The following LRP12 variants were observed in gnomAD, a reference collection of about 807,000 sequenced individuals.
The protein encoded by LRP12 is low-density lipoprotein receptor-related protein 12.
In LRP12, 14 loss-of-function variants were observed where a neutral mutation model predicts 66.0. The observed-to-expected ratio is 0.21, with a 90% CI of 0.14 to 0.33. The LOEUF is 0.33. LRP12 is among the 10% of genes least tolerant of loss of function. The pLI, the probability that LRP12 is intolerant of heterozygous loss-of-function variation, is 1.00. For synonymous variants in LRP12, 357 were observed against 359.1 expected (o/e 0.99, Z 0.07); for missense variants, 889 against 1,053.4 (o/e 0.84, Z 2.16).
chr8:104,548,474 CTATAT>C (rs957096241), intron 1 of LRP12, among the ~76,000 whole-genome samples: 7 of 111,850 alleles, frequency 6.3e-5, no homozygotes, highest in Non-Finnish European at 1.0e-4. Context: ...ATATATAATT[CTATAT>C]TATATTTTGT....
At chr8:104,530,737 T>G (rs923666820) in intron 2 of LRP12, among the ~76,000 whole-genome samples, 2 of 152,210 alleles carry the variant, frequency 1.3e-5, no homozygotes, top group African/African-American at 4.8e-5. Flanking sequence ...ATTAAAATGT[T>G]TGTAAACAAA....
chr8:104,558,257 T>C (rs913898737), intron 1 of LRP12, among the ~76,000 whole-genome samples: 2 of 151,702 alleles, frequency 1.3e-5, no homozygotes, highest in African/African-American at 2.4e-5. Context: ...AAAAGGCACG[T>C]AGACCAATGG....
chr8:104,583,386 T>C (rs1471698741), intron 1 of LRP12, among the ~76,000 whole-genome samples: 2 of 152,154 alleles, frequency 1.3e-5, no homozygotes, highest in African/African-American at 2.4e-5. Flanking sequence ...GGGCCTTTCA[T>C]GCATTGTTCT....
At chr8:104,536,639 A>C (rs1184323162) in intron 1 of LRP12, among the ~76,000 whole-genome samples, 5 of 152,114 alleles carry the variant, frequency 3.3e-5, no homozygotes, top group African/African-American at 1.2e-4. Flanking sequence ...ATAATTAGCA[A>C]GCTTCTTATT....
intron 5 of LRP12, 74 bp from the exon 6 acceptor site, chr8:104,495,283 A>ACTG: frequency 1.4e-6 from 2 of 1,415,134 alleles, no homozygotes; most frequent in East Asian, 4.6e-5. Flanking sequence ...ATTATCAGTA[A>ACTG]TTAAAACAAT....
intron 3 of LRP12, among the ~76,000 whole-genome samples, chr8:104,500,707 A>AAAACAAAACC (rs544665351): frequency 6.6e-6 from 1 of 151,174 alleles, no homozygotes; most frequent in African/African-American, 2.5e-5. Flanking sequence ...CGTCTCAAAC[A>AAAACAAAACC]AAACAAAACC....
chr8:104,553,407 C>T (rs1009067118), intron 1 of LRP12, among the ~76,000 whole-genome samples: 15 of 152,118 alleles, frequency 9.9e-5, no homozygotes, highest in African/African-American at 3.1e-4. Flanking sequence ...TGGAGAAGCA[C>T]GGTGGGAGTG....
intron 1 of LRP12, among the ~76,000 whole-genome samples, chr8:104,533,768 A>T (rs1811359257): frequency 6.6e-6 from 1 of 152,058 alleles, no homozygotes; most frequent in Non-Finnish European, 1.5e-5. Context: ...CTCCTACCTT[A>T]GCTTCCTGAG....
At chr8:104,548,235 TTAATATACG>T (rs1564141939) in intron 1 of LRP12, among the ~76,000 whole-genome samples, 90 of 102,262 alleles carry the variant, frequency 8.8e-4, no homozygotes, top group African/African-American at 3.9e-3. Context: ...TATATTTATA[TTAATATACG>T]ATATATATTA....
At chr8:104,504,200 ATT>A (rs1810871636) in intron 3 of LRP12, 1 of 152,092 alleles carries the variant, frequency 6.6e-6, no homozygotes, top group Non-Finnish European at 1.5e-5. Flanking sequence ...GACATTAAAA[ATT>A]TTGTTTATAA....
At chr8:104,575,285 C>T (rs1812148133) in intron 1 of LRP12, among the ~76,000 whole-genome samples, 1 of 152,216 alleles carries the variant, frequency 6.6e-6, no homozygotes, top group Non-Finnish European at 1.5e-5. Flanking sequence ...CCTCCAGTTA[C>T]CAGCAGCAGG....
intron 1 of LRP12, among the ~76,000 whole-genome samples, chr8:104,571,158 T>G (rs1812075137): frequency 6.6e-6 from 1 of 152,126 alleles, no homozygotes; most frequent in South Asian, 2.1e-4. Context: ...GGTTTGGTAG[T>G]TTCTGAAAAA....
intron 2 of LRP12, among the ~76,000 whole-genome samples, chr8:104,515,815 G>T (rs995227528): frequency 6.6e-6 from 1 of 152,182 alleles, no homozygotes; most frequent in Non-Finnish European, 1.5e-5. Context: ...GTATGTAGTT[G>T]TAAGTGATCT....
intron 1 of LRP12, among the ~76,000 whole-genome samples, chr8:104,562,716 G>A (rs888197022): frequency 2.6e-5 from 4 of 151,992 alleles, no homozygotes; most frequent in Non-Finnish European, 4.4e-5. Flanking sequence ...TCTATAAATT[G>A]TCTTTTGTCC....
intron 1 of LRP12, among the ~76,000 whole-genome samples, chr8:104,548,060 T>C (rs1433003623): frequency 8.3e-6 from 1 of 120,474 alleles, no homozygotes; most frequent in South Asian, 2.4e-4. Context: ...TTATATTTTG[T>C]ATATAATATA....
intron 1 of LRP12, among the ~76,000 whole-genome samples, chr8:104,536,110 C>A (rs1351576449): frequency 1.3e-5 from 2 of 151,978 alleles, no homozygotes; most frequent in African/African-American, 4.8e-5. Context: ...GGGAAAAGTT[C>A]ATAATCCTAA....
rs560820459 is a variant in LRP12 at position 104,533,741 on chromosome 8, CTT to C, written c.80-1780_80-1779del. Among the ~76,000 whole-genome samples, 30 of 152,124 alleles carry C rather than the reference CTT, an allele frequency of 2.0e-4. No homozygotes were observed. In the East Asian group the frequency reaches 5.6e-3, roughly 28 times the overall value. On this transcript the variant is annotated intron_variant, in intron 1 of 6. Coordinates refer to ENST00000276654, the MANE Select transcript of LRP12 (RefSeq NM_013437.5). ...ATGTTGCCCAGGCTGGACTAGAACT[CTT>C]GGGCTCAAGCAATCCTCCTACCTTA...
intron 1 of LRP12, among the ~76,000 whole-genome samples, chr8:104,573,445 A>G (rs544987621): frequency 7.9e-5 from 12 of 152,250 alleles, no homozygotes; most frequent in Admixed American, 7.2e-4. Flanking sequence ...GAACTGATCT[A>G]TCTCCACTGA....
At chr8:104,575,103 G>C (rs1812144349) in intron 1 of LRP12, among the ~76,000 whole-genome samples, 1 of 152,172 alleles carries the variant, frequency 6.6e-6, no homozygotes, top group Admixed American at 6.5e-5. Flanking sequence ...GGGAAGGGCA[G>C]GGGTGAAGGG....
Sources: gnomAD v4.1 joint callset for allele counts (sites outside exome capture counted in the v4.1 genomes callset) on GRCh38, gnomAD v4.1.1 for gene constraint, MANE v1.5 for transcripts, NCBI Gene and HGNC (gene_info 2026-07-23, HGNC 2026-07-21) for gene names.